The following NUTM1 variants were observed in gnomAD, a reference collection of about 807,000 sequenced individuals.
NUTM1 encodes the protein NUT family member 1.
A neutral mutation model predicts 88.7 loss-of-function variants in NUTM1; 39 were observed. The observed-to-expected ratio is 0.44, with a 90% CI of 0.34 to 0.57. NUTM1 has a LOEUF of 0.57. Ranked by LOEUF, NUTM1 falls within the 20% of genes least tolerant of loss-of-function variation. The pLI is 0.01. For missense variants in NUTM1, 1,350 were observed against 1,414.5 expected (o/e 0.95, Z 0.73); for synonymous variants, 494 against 538.0 (o/e 0.92, Z 1.13).
At chr15:34,347,659 C>T (rs550858985) in intron 2 of NUTM1, among the ~76,000 whole-genome samples, 5 of 152,236 alleles carry the variant, frequency 3.3e-5, no homozygotes, top group Admixed American at 3.3e-4. Flanking sequence ...CGAGACCAAC[C>T]TGGCTAACAC....
chr15:34,350,029 T>C (rs1383420998), intron 3 of NUTM1, among the ~76,000 whole-genome samples: 1 of 152,184 alleles, frequency 6.6e-6, no homozygotes, highest in Admixed American at 6.5e-5. Context: ...CCTGGGGAGC[T>C]GCAAGTTGAT....
chr15:34,354,910 C>A, intron 6 of NUTM1, 111 bp from the exon 7 acceptor site: 1 of 1,022,822 alleles, frequency 9.8e-7, no homozygotes, highest in Non-Finnish European at 1.5e-6. Context: ...GTTTACAATA[C>A]CGGAGGGGTA....
At chr15:34,351,600 T>A (rs1890711294) in intron 4 of NUTM1, among the ~76,000 whole-genome samples, 1 of 152,026 alleles carries the variant, frequency 6.6e-6, no homozygotes, top group African/African-American at 2.4e-5. Context: ...TGGACCCCGA[T>A]AGATATAGAA....
At position 34,353,879 on chromosome 15, in the gene NUTM1, C is replaced by A; in HGVS notation, c.1075+7C>A. Reference sequence around the variant, plus strand: ...GAGGTTTGCCAGCAGCCAGGTGAGGCTACCCAATTTTGACAGGAGCCGTGG... The same window carrying A: ...GAGGTTTGCCAGCAGCCAGGTGAGGATACCCAATTTTGACAGGAGCCGTGG... On this transcript the variant is annotated splice_region_variant and intron_variant, in intron 5 of 7. Transcript: ENST00000537011. The A allele has an allele frequency of 6.2e-7, 1 of 1,613,000 alleles. No homozygotes were observed. The highest frequency in any genetic ancestry group is 8.5e-7 in the Non-Finnish European group (1 of 1,179,946).
rs1890524152 is a variant in NUTM1, at chr15:34,343,508, C to T, written c.-189C>T. The stretch of plus-strand genomic sequence containing the variant: ...AGGGAAGAAAGAAGAGGTTTTCTTC[C>T]CTCCCCTCTTTTACATCCAGTTCCC... On this transcript the variant is annotated 5_prime_UTR_variant, in exon 1 of 8. Transcript: ENST00000537011. 1.5e-6 allele frequency: 2 copies of T among 1,344,006 alleles called. No individual in the cohort carries two copies. The highest frequency in any genetic ancestry group is 1.3e-5 in the South Asian group (1 of 74,096). 83.3% of individuals were successfully genotyped at this position (1,344,006 alleles called of 1,614,324 possible).
At position 34,356,220 on chromosome 15, in the gene NUTM1, G is replaced by C. The variant is rs1036921188; in HGVS notation, c.2212G>C (p.Ala738Pro). 4 of 1,606,836 alleles carry C rather than the reference G, an allele frequency of 2.5e-6. No homozygotes were observed. Among genetic ancestry groups the C allele is most frequent in the African/African-American group, 2.7e-5 (2 of 74,762 alleles). The part of the protein sequence containing the change: ...SYDQNPSPRA[A>P]GERDDVCLSP... ...TGATCAGAATCCTTCCCCTAGAGCA[G>C]CTGGGGAGAGGGACGATGTCTGTCT... Residue 738 changes from alanine (A) to proline (P), a missense_variant, in exon 8 of 8, where the codon GCT becomes CCT. Ala to Pro is a conservative substitution (Grantham distance 27, BLOSUM62 -1). Around this residue, in one of 5 missense-constraint regions of NUTM1, gnomAD observed 730 missense variants for 728.8 expected, o/e 1.00. Coordinates refer to ENST00000537011, the MANE Select transcript of NUTM1 (RefSeq NM_001284292.2).
intron 3 of NUTM1, 86 bp from the exon 4 acceptor site, chr15:34,350,618 G>A: frequency 6.7e-7 from 1 of 1,500,194 alleles, no homozygotes; most frequent in Non-Finnish European, 9.0e-7. Flanking sequence ...TTGATGAGGG[G>A]CAGGGGATGT....
Position 34,357,684 on chromosome 15 carries a change from T to G in NUTM1, c.*193T>G, listed in dbSNP as rs1890847542. On this transcript the variant is annotated 3_prime_UTR_variant, in exon 8 of 8. Coordinates refer to ENST00000537011, the MANE Select transcript of NUTM1 (RefSeq NM_001284292.2). Reference sequence around the variant, plus strand: ...GCTAGGCTGCAGGGGGAATTACCTTTGGAAGGAGCTATATAGAAAAAAAAT... The same window carrying G: ...GCTAGGCTGCAGGGGGAATTACCTTGGGAAGGAGCTATATAGAAAAAAAAT... 2 of 1,017,890 alleles carry G rather than the reference T, an allele frequency of 2.0e-6. No individual in the cohort carries two copies. Among genetic ancestry groups the G allele is most frequent in the Non-Finnish European group, 3.0e-6 (2 of 660,662 alleles). 63.1% of individuals were successfully genotyped at this position (1,017,890 alleles called of 1,614,324 possible).
rs1890791659 is a variant in NUTM1, at chr15:34,355,726, A to G, written c.1718A>G (p.Asp573Gly). Reference sequence around the variant, plus strand: ...CATGGTGGGCAGGAGCAAGCCCTAGATAGCCCCAGAGGGATGCACAGGGAT... The same window carrying G: ...CATGGTGGGCAGGAGCAAGCCCTAGGTAGCCCCAGAGGGATGCACAGGGAT... ...EVHGGQEQAL[D>G]SPRGMHRDGN... is the part of the protein sequence containing the mutation. Residue 573 changes from aspartate (D) to glycine (G), a missense_variant, in exon 8 of 8, where the codon GAT (aspartate) becomes GGT (glycine). Around this residue, in one of 5 missense-constraint regions of NUTM1, gnomAD observed 730 missense variants for 728.8 expected, o/e 1.00. Coordinates refer to ENST00000537011, the MANE Select transcript of NUTM1 (RefSeq NM_001284292.2). The surrounding 1 kb of genome is among the most constrained non-coding windows in gnomAD (Gnocchi z 4.3). The G allele has an allele frequency of 1.2e-6, 2 of 1,613,424 alleles. No individual in the cohort carries two copies. The highest frequency in any genetic ancestry group is 1.1e-5 in the South Asian group (1 of 91,018).
At position 34,348,650 on chromosome 15, in the gene NUTM1, A is replaced by C. The variant is rs1487539344; in HGVS notation, c.782A>C (p.Asp261Ala). ...CGGAGGCACCTATCCCAGAGTCCTG[A>C]CACAGAAGCTCTTTCCTGTTTTCTT... Reference protein sequence around the residue: ...LARRHLSQSPDTEALSCFLIP... With the variant: ...LARRHLSQSPATEALSCFLIP... Residue 261 changes from aspartate to alanine, a missense_variant, in exon 3 of 8, where the codon GAC (aspartate) becomes GCC (alanine). This residue lies in a region of NUTM1 where 399 missense variants were observed against 397.9 expected (regional missense o/e 1.00). Transcript: ENST00000537011. 1 of 1,606,592 alleles carries C rather than the reference A, an allele frequency of 6.2e-7. No homozygotes were observed. Among genetic ancestry groups the C allele is most frequent in the Non-Finnish European group, 8.5e-7 (1 of 1,179,202 alleles).
intron 3 of NUTM1, among the ~76,000 whole-genome samples, chr15:34,349,404 C>T (rs999794093): frequency 7.2e-5 from 11 of 152,198 alleles, no homozygotes; most frequent in Non-Finnish European, 1.3e-4. Context: ...GAGAATGTTT[C>T]ATTAAATGTC....
chr15:34,352,178 G>C lies in NUTM1; in HGVS notation c.938+1346G>C, dbSNP rs1673291597. ...AGAGCGAAACTCTGTCTCAAAAAAA[G>C]AAAGAAAGAAAGAAAAAACTCAGAA... On this transcript the variant is annotated intron_variant, in intron 4 of 7. Transcript: ENST00000537011. 2.6e-5 allele frequency among the ~76,000 whole-genome samples: 4 copies of C among 152,192 alleles called. No individual in the cohort carries two copies. In the South Asian group the frequency reaches 8.3e-4, roughly 32 times the overall value.
At position 34,357,337 on chromosome 15, in the gene NUTM1, C is replaced by T; in HGVS notation, c.3329C>T (p.Ala1110Val). ...SGKRALAGGP[A>V]PTEKTPHSGA... Reference sequence around the variant, plus strand: ...AAGCGAGCTCTAGCTGGAGGTCCAGCCCCTACTGAAAAGACACCCCACTCA... The same window carrying T: ...AAGCGAGCTCTAGCTGGAGGTCCAGTCCCTACTGAAAAGACACCCCACTCA... The change falls in exon 8 of 8, where the codon GCC (alanine) becomes GTC (valine). Residue 1110 changes from alanine (A) to valine (V), a missense_variant. This residue lies in a region of NUTM1 where 730 missense variants were observed against 728.8 expected (regional missense o/e 1.00). Coordinates refer to ENST00000537011, the MANE Select transcript of NUTM1 (RefSeq NM_001284292.2). 6.2e-7 allele frequency: 1 copy of T among 1,614,182 alleles called. No homozygotes were observed. The highest frequency in any genetic ancestry group is 1.1e-5 in the South Asian group (1 of 91,084).
chr15:34,355,922 C>T lies in NUTM1; in HGVS notation c.1914C>T (p.Cys638=). Residue 638 remains cysteine, a synonymous_variant, in exon 8 of 8, where the codon TGC becomes TGT. Transcript: ENST00000537011. The surrounding 1 kb of genome is among the most constrained non-coding windows in gnomAD (Gnocchi z 4.3). ...GAGGCGCTGGGCCTCCTGGGCACTG[C>T]CTGGTGGCTGATAGGACTTCAGAGG... ...HLGGAGPPGH[C]LVADRTSEAL... 6.2e-7 allele frequency: 1 copy of T among 1,614,006 alleles called. No individual in the cohort carries two copies. The highest frequency in any genetic ancestry group is 2.2e-5 in the East Asian group (1 of 44,874).
Position 34,355,234 on chromosome 15 carries a change from C to G in NUTM1, c.1479+97C>G. The G allele has an allele frequency of 1.1e-6, 1 of 886,444 alleles. No individual in the cohort carries two copies. 54.9% of individuals were successfully genotyped at this position (886,444 alleles called of 1,614,324 possible). A position where few individuals can be genotyped will look rare whatever the true frequency, so the allele number is the denominator to read the frequency against. On this transcript the variant is annotated intron_variant, in intron 7 of 7. Coordinates refer to ENST00000537011, the MANE Select transcript of NUTM1 (RefSeq NM_001284292.2). The surrounding 1 kb of genome is among the most constrained non-coding windows in gnomAD (Gnocchi z 4.3). ...GTGATATGGCTCTAGAGATGAACAG[C>G]TTCAGGATTGGGCTTCAGGTGCAGA...
chr15:34,350,353 A>T (rs1049750065), intron 3 of NUTM1, among the ~76,000 whole-genome samples: 2 of 152,266 alleles, frequency 1.3e-5, no homozygotes, highest in Non-Finnish European at 2.9e-5. Context: ...AACATACTTT[A>T]TAGCAAATCC....
At chr15:34,348,757 T>C in intron 3 of NUTM1, 80 bp downstream of exon 3, 1 of 994,450 alleles carries the variant, frequency 1.0e-6, no homozygotes, top group South Asian at 1.5e-5. Flanking sequence ...TAGTTTAGGC[T>C]GTTTAGGACT....
Position 34,348,198 on chromosome 15 carries a change from G to A in NUTM1, c.330G>A (p.Gly110=). 1 of 1,613,234 alleles carries A rather than the reference G, an allele frequency of 6.2e-7. No homozygotes were observed. Among genetic ancestry groups the A allele is most frequent in the Non-Finnish European group, 8.5e-7 (1 of 1,179,164 alleles). ...GGGATGGGGGCCCTTGCCTCAGTGGGGCTGGGGCTGGCAAGGTCATTGTCA... is the reference window on the plus strand; with the variant it reads ...GGGATGGGGGCCCTTGCCTCAGTGGAGCTGGGGCTGGCAAGGTCATTGTCA... The part of the protein sequence containing the change: ...VTGDGGPCLS[G]AGAGKVIVKV... The change falls in exon 3 of 8, where the codon GGG becomes GGA. Residue 110 remains glycine (G), a synonymous_variant. Transcript: ENST00000537011.
intron 3 of NUTM1, among the ~76,000 whole-genome samples, chr15:34,349,111 AG>A (rs1890661994): frequency 6.6e-6 from 1 of 152,314 alleles, no homozygotes; most frequent in Admixed American, 6.5e-5. Flanking sequence ...CCTGGGTGGC[AG>A]GGGGAACAGT....
Sources: allele counts gnomAD v4.1 joint callset (sites outside exome capture counted in the v4.1 genomes callset), GRCh38; gene constraint gnomAD v4.1.1; regional missense constraint gnomAD v4.1.1; non-coding constraint Gnocchi (gnomAD v3.1); transcripts MANE v1.5; gene names NCBI Gene and HGNC (gene_info 2026-07-23, HGNC 2026-07-21).